Variants in PLCD3 observed in about 807,000 individuals in gnomAD.
The protein encoded by PLCD3 is 1-phosphatidylinositol 4,5-bisphosphate phosphodiesterase delta-3.
PLCD3 carries 62 observed loss-of-function variants against 82.8 expected under a neutral mutation model. That is an observed-to-expected ratio of 0.75 (90% confidence interval 0.61 to 0.93). PLCD3 has a LOEUF of 0.93. Ranked by LOEUF, PLCD3 falls within the 40% of genes least tolerant of loss-of-function variation. PLCD3 has a pLI of 0.00. For missense variants in PLCD3, 1,023 were observed against 1,103.4 expected (o/e 0.93, Z 1.03); for synonymous variants, 478 against 471.8 (o/e 1.01, Z -0.17).
chr17:45,121,509 C>G, intron 1 of PLCD3, 137 bp from the exon 2 acceptor site: 4 of 1,061,122 alleles, frequency 3.8e-6, no homozygotes, highest in Non-Finnish European at 5.2e-6. Context: ...CTTCCCTCCC[C>G]CTCACAGGAC....
chr17:45,122,707 C>G (rs1253102081), intron 1 of PLCD3, among the ~76,000 whole-genome samples: 4 of 152,150 alleles, frequency 2.6e-5, no homozygotes, highest in African/African-American at 9.7e-5. Context: ...ACAGCGTGAC[C>G]GACACTGTGC....
Position 45,115,162 on chromosome 17 carries a change from T to C in PLCD3, c.1643A>G (p.Asn548Ser), listed in dbSNP as rs1250833105. 4 of 1,598,320 alleles carry C rather than the reference T, an allele frequency of 2.5e-6. No homozygotes were observed. Among genetic ancestry groups the C allele is most frequent in the East Asian group, 2.3e-5 (1 of 44,240 alleles). ...TRLRTLHPAP[N>S]APQPCQVSSL... ...GCTGACCTGGCAGGGTTGTGGGGCG[T>C]TGGGGGCAGGGTGCAGGGTCCGCAG... is the stretch of plus-strand genomic sequence containing the variant. The change falls in exon 10 of 15, where the codon AAC (asparagine) becomes AGC (serine). Residue 548 changes from asparagine to serine, a missense_variant. Physicochemically the swap from Asn to Ser is conservative, Grantham distance 46. Transcript: ENST00000619929.
intron 1 of PLCD3, among the ~76,000 whole-genome samples, chr17:45,131,566 C>G (rs1167471253): frequency 4.6e-5 from 7 of 152,236 alleles, no homozygotes; most frequent in Admixed American, 4.6e-4. Context: ...AGTTTCCTCA[C>G]TTGTGAAATG....
intron 1 of PLCD3, among the ~76,000 whole-genome samples, chr17:45,131,914 G>A (rs1319009279): frequency 6.8e-6 from 1 of 146,130 alleles, no homozygotes; most frequent in Admixed American, 6.8e-5. Context: ...AGATACTGCT[G>A]GGGAGCCGGA....
At chr17:45,130,023 C>A (rs2054408042) in intron 1 of PLCD3, among the ~76,000 whole-genome samples, 2 of 152,168 alleles carry the variant, frequency 1.3e-5, no homozygotes, top group African/African-American at 4.8e-5. Context: ...TAGGCCTTGG[C>A]CTCTGATGGC....
intron 1 of PLCD3, among the ~76,000 whole-genome samples, chr17:45,130,371 C>G (rs1294486515): frequency 1.3e-5 from 2 of 152,196 alleles, no homozygotes; most frequent in Non-Finnish European, 2.9e-5. Context: ...CTCTGTGCTA[C>G]TCATCTCTGT....
intron 1 of PLCD3, among the ~76,000 whole-genome samples, chr17:45,130,578 TCA>T (rs2054411933): frequency 6.6e-6 from 1 of 152,194 alleles, no homozygotes; most frequent in Non-Finnish European, 1.5e-5. Flanking sequence ...CACCTGTCGA[TCA>T]CAGAGTCCAG....
rs540260792 is a variant in PLCD3 at position 45,112,913 on chromosome 17, G to T, written c.2231C>A (p.Pro744His). The T allele has an allele frequency of 3.1e-6, 5 of 1,612,638 alleles. No individual in the cohort carries two copies. In the African/African-American group the frequency reaches 6.7e-5, roughly 22 times the overall value. ...TGTAAACTGGCCCACAAAGTCATTG[G>T]GGGAGGTGGCGTCATAATCTTCCAC... ...FVVEDYDATS[P>H]NDFVGQFTLP... The change falls in exon 14 of 15, where the codon CCC becomes CAC. Residue 744 changes from proline to histidine, a missense_variant. Physicochemically the swap from Pro to His is moderately conservative, Grantham distance 77 (BLOSUM62 -2). Coordinates refer to ENST00000619929, the MANE Select transcript of PLCD3 (RefSeq NM_133373.5).
chr17:45,112,516 G>C lies in PLCD3; in HGVS notation c.*100C>G. On this transcript the variant is annotated 3_prime_UTR_variant, in exon 15 of 15. Transcript: ENST00000619929. ...CTGAGTGGGCCAAGTGGGTGGGCTG[G>C]GGGGCTGGTACTCCCACCACCTGAC... 3 of 1,309,524 alleles carry C rather than the reference G, an allele frequency of 2.3e-6. No individual in the cohort carries two copies. The highest frequency in any genetic ancestry group is 1.3e-5 in the South Asian group (1 of 78,282). The allele number at this position is 1,309,524 out of a possible 1,614,324, so 81.1% of individuals were successfully genotyped here.
chr17:45,132,503 G>T lies in PLCD3; in HGVS notation c.-93C>A. 1 of 826,364 alleles carries T rather than the reference G, an allele frequency of 1.2e-6. No individual in the cohort carries two copies. The highest frequency in any genetic ancestry group is 1.5e-6 in the Non-Finnish European group (1 of 645,364). The allele number at this position is 826,364 out of a possible 1,614,324, so 51.2% of individuals were successfully genotyped here. A position where few individuals can be genotyped will look rare whatever the true frequency, so the allele number is the denominator to read the frequency against. ...TGGCCCGGCCCCGGCTCTGAGCGAG[G>T]CGGCGAGCGAAGAAACTTAGCGGCG... On this transcript the variant is annotated 5_prime_UTR_variant, in exon 1 of 15. Transcript: ENST00000619929. The surrounding 1 kb of genome is among the most constrained non-coding windows in gnomAD (Gnocchi z 4.6).
At position 45,113,420 on chromosome 17, in the gene PLCD3, C is replaced by T. The variant is rs1207335494; in HGVS notation, c.1995+19G>A. ...GAACCAGTCTGACCCCACACTGGGG[C>T]CCGTTCCAGCCTGCTGACCTGGATG... On this transcript the variant is annotated intron_variant, in intron 12 of 14. Transcript: ENST00000619929. The T allele has an allele frequency of 6.3e-7, 1 of 1,580,708 alleles. No individual in the cohort carries two copies. The highest frequency in any genetic ancestry group is 1.8e-5 in the Admixed American group (1 of 54,548).
At chr17:45,127,432 G>A (rs549475469) in intron 1 of PLCD3, among the ~76,000 whole-genome samples, 20 of 152,194 alleles carry the variant, frequency 1.3e-4, no homozygotes, top group Admixed American at 5.9e-4. Context: ...GGGCGGTTTG[G>A]GGCGTGGATG....
At position 45,115,487 on chromosome 17, in the gene PLCD3, G is replaced by A. The variant is rs765195536; in HGVS notation, c.1417C>T (p.Leu473=). 2.9e-5 allele frequency: 46 copies of A among 1,608,270 alleles called. No homozygotes were observed. The highest frequency in any genetic ancestry group is 4.0e-5 in the African/African-American group (3 of 74,790). Residue 473 remains leucine (L), a synonymous_variant, in exon 9 of 15, where the codon CTG becomes TTG. Coordinates refer to ENST00000619929, the MANE Select transcript of PLCD3 (RefSeq NM_133373.5). ...CCCTTCACCAGGACCCGGCCCTTCA[G>A]CTGCTGTGGGGGCCAACGTGGAGGA... ...NPEELPSPEQ[L]KGRVLVKGKK...
At chr17:45,126,303 C>T (rs1000555930) in intron 1 of PLCD3, among the ~76,000 whole-genome samples, 2 of 150,198 alleles carry the variant, frequency 1.3e-5, no homozygotes, top group African/African-American at 4.9e-5. Flanking sequence ...ACCTCAGCCT[C>T]CCAAAGTGCT....
At chr17:45,117,658 A>G (rs1270531885) in intron 7 of PLCD3, among the ~76,000 whole-genome samples, 1 of 152,228 alleles carries the variant, frequency 6.6e-6, no homozygotes, top group Non-Finnish European at 1.5e-5. Context: ...GTGTTTATGC[A>G]GATGCCACTG....
At position 45,120,313 on chromosome 17, in the gene PLCD3, G is replaced by GC. The variant is rs1567880952; in HGVS notation, c.684+11dup. 1 of 1,613,916 alleles carries GC rather than the reference G, an allele frequency of 6.2e-7. No homozygotes were observed. The highest frequency in any genetic ancestry group is 8.5e-7 in the Non-Finnish European group (1 of 1,179,818). On this transcript the variant is annotated intron_variant, in intron 4 of 14. Coordinates refer to ENST00000619929, the MANE Select transcript of PLCD3 (RefSeq NM_133373.5). The stretch of plus-strand genomic sequence containing the variant: ...GCAGAGCCAGGGGCTGGGGTTCAGG[G>GC]CGGAAGCCCACCTTGAAGAGGAGGT...
In PLCD3 at chr17:45,112,342, T is replaced by G; in HGVS notation, c.*274A>C. ...CAGGCTTGCTCCTCATAAGTCACAA[T>G]GAGGGGTGGGCTGAGGACAAGAGGA... On this transcript the variant is annotated 3_prime_UTR_variant, in exon 15 of 15. Coordinates refer to ENST00000619929, the MANE Select transcript of PLCD3 (RefSeq NM_133373.5). 2 of 480,260 alleles carry G rather than the reference T, an allele frequency of 4.2e-6. No homozygotes were observed. Among genetic ancestry groups the G allele is most frequent in the East Asian group, 3.9e-5 (1 of 25,958 alleles). The allele number at this position is 480,260 out of a possible 1,614,324, so 29.7% of individuals were successfully genotyped here.
At chr17:45,119,212 C>T in intron 4 of PLCD3, 169 bp from the exon 5 acceptor site, 1 of 624,610 alleles carries the variant, frequency 1.6e-6, no homozygotes, top group Non-Finnish European at 2.8e-6. Context: ...AATTACAGGG[C>T]AGGATTTTTT....
Position 45,116,859 on chromosome 17 carries a change from C to A in PLCD3, c.1261-75G>T, listed in dbSNP as rs540719656. 9 of 1,459,570 alleles carry A rather than the reference C, an allele frequency of 6.2e-6. No homozygotes were observed. The East Asian group carries it at 2.3e-4, about 37-fold the overall frequency. The allele number at this position is 1,459,570 out of a possible 1,614,324, so 90.4% of individuals were successfully genotyped here. A position where few individuals can be genotyped will look rare whatever the true frequency, so the allele number is the denominator to read the frequency against. On this transcript the variant is annotated intron_variant, in intron 7 of 14. Transcript: ENST00000619929. ...TATCTCCCAACATCTGGCTCCCAGACCCTTCAGGACAGGCAGGCAAAGGCA... is the reference window on the plus strand; with the variant it reads ...TATCTCCCAACATCTGGCTCCCAGAACCTTCAGGACAGGCAGGCAAAGGCA...
Sources: gnomAD v4.1 joint callset for allele counts (sites outside exome capture counted in the v4.1 genomes callset) on GRCh38, gnomAD v4.1.1 for gene constraint, Gnocchi (gnomAD v3.1) non-coding constraint, MANE v1.5 for transcripts, NCBI Gene and HGNC (gene_info 2026-07-23, HGNC 2026-07-21) for gene names.